The following BRIP1 variants were observed in gnomAD, a reference collection of about 807,000 sequenced individuals.
BRIP1 encodes the protein BRCA1 interacting DNA helicase 1, also known as Fanconi anemia group J protein.
A neutral mutation model predicts 119.7 loss-of-function variants in BRIP1; 88 were observed. The observed-to-expected ratio is 0.74, with a 90% CI of 0.62 to 0.88. BRIP1 has a LOEUF of 0.88. BRIP1 is among the 40% of genes least tolerant of loss of function. The pLI is 0.00. For synonymous variants in BRIP1, 443 were observed against 496.5 expected, an observed-to-expected ratio of 0.89 and a Z score of 1.43; for missense variants, 1,259 against 1,455.4, an observed-to-expected ratio of 0.87 and a Z score of 2.20.
chr17:61,787,876 C>A (rs980949131), intron 10 of BRIP1, among the ~76,000 whole-genome samples: 1 of 152,134 alleles, frequency 6.6e-6, no homozygotes, highest in African/African-American at 2.4e-5. Context: ...AATCTCCTGA[C>A]CTCGTGATCT....
In BRIP1 at chr17:61,814,907, G is replaced by A. The variant is rs1308210854; in HGVS notation, c.628-6150C>T. 6.6e-6 allele frequency among the ~76,000 whole-genome samples: 1 copy of A among 151,672 alleles called. No individual in the cohort carries two copies. The highest frequency in any genetic ancestry group is 2.4e-5 in the African/African-American group (1 of 41,310). On this transcript the variant is annotated intron_variant, in intron 6 of 19. Transcript: ENST00000259008. This position sits in a 1 kb window ranked among gnomAD's most constrained non-coding sequence, Gnocchi z 4.9. ...TATATGAATGACAGTTGTATGCATC[G>A]ACATCGATAAACATGAACAAGCAGT...
intron 16 of BRIP1, among the ~76,000 whole-genome samples, chr17:61,728,291 C>A (rs2076796715): frequency 6.8e-6 from 1 of 148,004 alleles, no homozygotes; most frequent in African/African-American, 2.5e-5. Context: ...GAAAGTAATG[C>A]AGACTTCTGA....
In BRIP1 at chr17:61,776,781, C is replaced by A. The variant is rs530902758; in HGVS notation, c.1936-219G>T. ...ACTAAATTCTCTTAGAGTGAAAATTCTTTGAAAGCAAAACAGGTTGTACCT... is the reference window on the plus strand; with the variant it reads ...ACTAAATTCTCTTAGAGTGAAAATTATTTGAAAGCAAAACAGGTTGTACCT... On this transcript the variant is annotated intron_variant, in intron 13 of 19. Transcript: ENST00000259008. The surrounding 1 kb of genome is among the most constrained non-coding windows in gnomAD (Gnocchi z 5.0). Among the ~76,000 whole-genome samples the A allele has an allele frequency of 6.6e-6, 1 of 152,294 alleles. No homozygotes were observed. Among genetic ancestry groups the A allele is most frequent in the South Asian group, 2.1e-4 (1 of 4,820 alleles).
chr17:61,846,143 C>T lies in BRIP1; in HGVS notation c.627+958G>A, dbSNP rs1001298306. 6.6e-6 allele frequency among the ~76,000 whole-genome samples: 1 copy of T among 151,544 alleles called. No homozygotes were observed. Among genetic ancestry groups the T allele is most frequent in the East Asian group, 1.9e-4 (1 of 5,148 alleles). The stretch of plus-strand genomic sequence containing the variant: ...CTTGCAGTGGGCGGAGATCACGCCA[C>T]CGCACTTCCAGCCTGGGTGACAGAG... On this transcript the variant is annotated intron_variant, in intron 6 of 19. Transcript: ENST00000259008. This position sits in a 1 kb window ranked among gnomAD's most constrained non-coding sequence, Gnocchi z 4.3.
At chr17:61,785,865 T>C (rs2077696856) in intron 10 of BRIP1, among the ~76,000 whole-genome samples, 1 of 152,006 alleles carries the variant, frequency 6.6e-6, no homozygotes, top group Non-Finnish European at 1.5e-5. Flanking sequence ...ATCCTACATA[T>C]TCAATTATTA....
Position 61,722,049 on chromosome 17 carries a change from T to G in BRIP1, c.2380-5986A>C, listed in dbSNP as rs28715030. ...TAGCCAACTTTGCTTTTTTTTTTTT[T>G]CTTTTTTTTTGAGACGGAGTCTTGC... On this transcript the variant is annotated intron_variant, in intron 16 of 19. Transcript: ENST00000259008. This position sits in a 1 kb window ranked among gnomAD's most constrained non-coding sequence, Gnocchi z 4.6. Among the ~76,000 whole-genome samples, 5 of 129,954 alleles carry G rather than the reference T, an allele frequency of 3.8e-5. No homozygotes were observed. Among genetic ancestry groups the G allele is most frequent in the African/African-American group, 1.1e-4 (4 of 35,902 alleles). The allele number at this position is 129,954 out of a possible 152,430, so 85.3% of individuals were successfully genotyped here.
At chr17:61,859,673 A>C (rs2078946246) in intron 3 of BRIP1, 123 bp downstream of exon 3, 1 of 702,540 alleles carries the variant, frequency 1.4e-6, no homozygotes, top group South Asian at 1.6e-5. Flanking sequence ...TATTTCAAAG[A>C]AACATCTTTA....
Position 61,683,897 on chromosome 17 carries a change from G to C in BRIP1, c.3149C>G (p.Thr1050Ser), listed in dbSNP as rs373040333. 1 of 1,614,186 alleles carries C rather than the reference G, an allele frequency of 6.2e-7. No homozygotes were observed. Residue 1050 changes from threonine (T) to serine (S), a missense_variant, in exon 20 of 20, where the codon ACT becomes AGT. By Grantham distance (58) the Thr-to-Ser change is moderately conservative. This residue lies in a region of BRIP1 where 753 missense variants were observed against 891.8 expected (regional missense o/e 0.84). Coordinates refer to ENST00000259008, the MANE Select transcript of BRIP1 (RefSeq NM_032043.3). The surrounding 1 kb of genome is among the most constrained non-coding windows in gnomAD (Gnocchi z 4.7). ...CAGATTTGAGGATTCACATTTATCAGTGAAGGGCAAAACAGTTTTACTTTC... is the reference window on the plus strand; with the variant it reads ...CAGATTTGAGGATTCACATTTATCACTGAAGGGCAAAACAGTTTTACTTTC... ...KMESKTVLPF[T>S]DKCESSNLTV...
At chr17:61,787,419 A>AT (rs2077745231) in intron 10 of BRIP1, among the ~76,000 whole-genome samples, 1 of 132,438 alleles carries the variant, frequency 7.6e-6, no homozygotes, top group Non-Finnish European at 1.6e-5. Context: ...ATATTTATAT[A>AT]AAATATATAA....
chr17:61,780,229 A>T lies in BRIP1; in HGVS notation c.1935+32T>A, dbSNP rs1413467161. 1 of 1,594,902 alleles carries T rather than the reference A, an allele frequency of 6.3e-7. No individual in the cohort carries two copies. Among genetic ancestry groups the T allele is most frequent in the Middle Eastern group, 2.0e-4 (1 of 4,954 alleles). On this transcript the variant is annotated intron_variant, in intron 13 of 19. Transcript: ENST00000259008. This position sits in a 1 kb window ranked among gnomAD's most constrained non-coding sequence, Gnocchi z 5.4. ...TAGTTATATTGAAGTAGAAACACTG[A>T]AGGCCTTCCAAAAAAAAAAACAACA...
At position 61,862,321 on chromosome 17, in the gene BRIP1, C is replaced by A. The variant is rs550715267; in HGVS notation, c.-30-752G>T. On this transcript the variant is annotated intron_variant, in intron 1 of 19. Transcript: ENST00000259008. This position sits in a 1 kb window ranked among gnomAD's most constrained non-coding sequence, Gnocchi z 5.3. ...TAGAGTATTATAGAAACAGGATGGGCTTTGGAGTAAGGCAATCCTAAGTTT... is the reference window on the plus strand; with the variant it reads ...TAGAGTATTATAGAAACAGGATGGGATTTGGAGTAAGGCAATCCTAAGTTT... 6.6e-6 allele frequency among the ~76,000 whole-genome samples: 1 copy of A among 152,158 alleles called. No individual in the cohort carries two copies. The highest frequency in any genetic ancestry group is 1.9e-4 in the East Asian group (1 of 5,194).
rs1060501780 is a variant in BRIP1, at chr17:61,808,685, T to C, written c.700A>G (p.Lys234Glu). ...TTGGATTTCCCTGTATGATCCTTCT[T>C]AATGGTATTCGATGACTCTTGACTG... ...GNSQESSNTI[K>E]KDHTGKSKIP... The change falls in exon 7 of 20, where the codon AAG becomes GAG. Residue 234 changes from lysine (K) to glutamate (E), a missense_variant. By Grantham distance (56) the Lys-to-Glu change is moderately conservative. Coordinates refer to ENST00000259008, the MANE Select transcript of BRIP1 (RefSeq NM_032043.3). This position sits in a 1 kb window ranked among gnomAD's most constrained non-coding sequence, Gnocchi z 4.1. The C allele has an allele frequency of 6.2e-7, 1 of 1,613,918 alleles. No individual in the cohort carries two copies. The highest frequency in any genetic ancestry group is 8.5e-7 in the Non-Finnish European group (1 of 1,179,836).
intron 16 of BRIP1, among the ~76,000 whole-genome samples, chr17:61,721,692 C>CTTTT (rs71150632): frequency 1.5e-4 from 11 of 73,624 alleles, no homozygotes; most frequent in African/African-American, 2.3e-4. Flanking sequence ...TAGACTTTGC[C>CTTTT]TTTTTTTTTT....
chr17:61,792,913 T>C (rs1228392246), intron 10 of BRIP1, among the ~76,000 whole-genome samples: 2 of 151,938 alleles, frequency 1.3e-5, no homozygotes, highest in Admixed American at 6.6e-5. Context: ...AACTATGGAG[T>C]TGGTGTGTAT....
intron 6 of BRIP1, among the ~76,000 whole-genome samples, chr17:61,838,361 C>G (rs2078605423): frequency 6.6e-6 from 1 of 151,804 alleles, no homozygotes; most frequent in African/African-American, 2.4e-5. Context: ...TCCTGGCTAA[C>G]ACGGTGAAAC....
chr17:61,705,617 T>C lies in BRIP1; in HGVS notation c.2492+10334A>G, dbSNP rs2061680637. 6.6e-6 allele frequency among the ~76,000 whole-genome samples: 1 copy of C among 152,212 alleles called. No homozygotes were observed. Among genetic ancestry groups the C allele is most frequent in the South Asian group, 2.1e-4 (1 of 4,824 alleles). ...GCCTCACATTTATTTAGCTCTTCTT[T>C]TTCTAGCTTCATAAGGTAGAAACTA... On this transcript the variant is annotated intron_variant, in intron 17 of 19. Transcript: ENST00000259008. The surrounding 1 kb of genome is among the most constrained non-coding windows in gnomAD (Gnocchi z 5.0).
At chr17:61,741,756 G>A (rs765900469) in intron 16 of BRIP1, among the ~76,000 whole-genome samples, 24 of 152,174 alleles carry the variant, frequency 1.6e-4, no homozygotes, top group Non-Finnish European at 2.4e-4. Flanking sequence ...ATGTGCTGTC[G>A]TGCAGGCTTT....
rs2076818674 is a variant in BRIP1 at position 61,729,750 on chromosome 17, A to C, written c.2379+13263T>G. On this transcript the variant is annotated intron_variant, in intron 16 of 19. Transcript: ENST00000259008. This position sits in a 1 kb window ranked among gnomAD's most constrained non-coding sequence, Gnocchi z 5.6. ...ATTTTAATTTATTGTATACATTTGT[A>C]TGCCTCACTATGTAAAACAGTGGTG... is the stretch of plus-strand genomic sequence containing the variant. Among the ~76,000 whole-genome samples, 3 of 152,308 alleles carry C rather than the reference A, an allele frequency of 2.0e-5. No individual in the cohort carries two copies. The South Asian group carries it at 6.2e-4, about 32-fold the overall frequency.
In BRIP1 at chr17:61,745,873, GA is replaced by G. The variant is rs2077052113; in HGVS notation, c.2098-1283del. Reference sequence around the variant, plus strand: ...TAAAAGAATCAAGTATTCTTTCCAAGAAGCTAGAAAATGAAATATAGCAAAT... The same window carrying G: ...TAAAAGAATCAAGTATTCTTTCCAAGAGCTAGAAAATGAAATATAGCAAAT... On this transcript the variant is annotated intron_variant, in intron 14 of 19. Transcript: ENST00000259008. The surrounding 1 kb of genome is among the most constrained non-coding windows in gnomAD (Gnocchi z 4.4). Among the ~76,000 whole-genome samples the G allele has an allele frequency of 2.6e-5, 4 of 151,932 alleles. No individual in the cohort carries two copies. The South Asian group carries it at 8.3e-4, about 32-fold the overall frequency.
Sources: allele counts gnomAD v4.1 joint callset (sites outside exome capture counted in the v4.1 genomes callset), GRCh38; gene constraint gnomAD v4.1.1; regional missense constraint gnomAD v4.1.1; non-coding constraint Gnocchi (gnomAD v3.1); transcripts MANE v1.5; gene names NCBI Gene and HGNC (gene_info 2026-07-23, HGNC 2026-07-21).